Variants in TMPRSS6 observed in about 807,000 individuals in gnomAD.
TMPRSS6 encodes transmembrane protease serine 6.
A neutral mutation model predicts 101.5 loss-of-function variants in TMPRSS6; 67 were observed. The observed-to-expected ratio is 0.66, with a 90% CI of 0.54 to 0.81. The LOEUF (loss-of-function observed/expected upper bound fraction) is 0.81, where lower values mean the gene tolerates loss of function less well. Among genes scored for constraint, TMPRSS6 ranks in the 30% least tolerant of loss-of-function variants. The probability of loss-of-function intolerance (pLI) is 0.00; values close to 1 mark genes in which losing one functional copy is unlikely to be tolerated. For missense variants in TMPRSS6, 1,034 were observed against 1,088.7 expected, an observed-to-expected ratio of 0.95 and a Z score of 0.71; for synonymous variants, 453 against 464.9, an observed-to-expected ratio of 0.97 and a Z score of 0.33.
At chr22:37,072,477 GGATGGAT>G (rs1927119291) in intron 13 of TMPRSS6, among the ~76,000 whole-genome samples, 3 of 142,180 alleles carry the variant, frequency 2.1e-5, no homozygotes, top group South Asian at 4.5e-4. Context: ...ATGGATGGAT[GGATGGAT>G]GATGGATGAT....
chr22:37,096,739 C>T, intron 3 of TMPRSS6, 24 bp from the exon 4 acceptor site: 1 of 1,556,252 alleles, frequency 6.4e-7, no homozygotes, highest in Non-Finnish European at 8.7e-7. Context: ...AGACAACAGC[C>T]CCTGGGACCC....
chr22:37,101,127 C>T lies in TMPRSS6; in HGVS notation c.202+2089G>A, dbSNP rs1032670529. ...GAAATGGGGGAGGCACCCCAAGGGA[C>T]ACTGGGGGAGAGAGGGCATCCTTGC... On this transcript the variant is annotated intron_variant, in intron 2 of 17. Transcript: ENST00000676104. The surrounding 1 kb of genome is among the most constrained non-coding windows in gnomAD (Gnocchi z 4.1). Among the ~76,000 whole-genome samples, 4 of 151,910 alleles carry T rather than the reference C, an allele frequency of 2.6e-5. No homozygotes were observed. Among genetic ancestry groups the T allele is most frequent in the African/African-American group, 9.7e-5 (4 of 41,312 alleles).
chr22:37,085,110 A>G (rs538155488), intron 8 of TMPRSS6, among the ~76,000 whole-genome samples: 3 of 152,260 alleles, frequency 2.0e-5, no homozygotes, highest in Admixed American at 2.0e-4. Flanking sequence ...AGTTATTGAT[A>G]TTTGCGGGAC....
At chr22:37,095,787 C>T in intron 5 of TMPRSS6, 119 bp downstream of exon 5, 1 of 1,398,934 alleles carries the variant, frequency 7.1e-7, no homozygotes, top group East Asian at 2.4e-5. Context: ...GGGGGGCTCT[C>T]CTGGGGGGCC....
intron 10 of TMPRSS6, among the ~76,000 whole-genome samples, chr22:37,078,770 GAGA>G (rs66560480): frequency 0.1 from 2,914 of 28,452 alleles, 110 homozygotes; most frequent in African/African-American, 0.47. Flanking sequence ...AGAGAATGAG[GAGA>G]AGGAGGAGGA....
intron 8 of TMPRSS6, 124 bp downstream of exon 8, chr22:37,086,159 C>T: frequency 1.6e-5 from 22 of 1,368,208 alleles, no homozygotes; most frequent in Non-Finnish European, 2.2e-5. Context: ...CAGGAGCTTC[C>T]AGAATCTTCC....
chr22:37,073,675 G>A (rs1449808602), intron 12 of TMPRSS6, 30 bp from the exon 13 acceptor site: 1 of 1,541,784 alleles, frequency 6.5e-7, no homozygotes, highest in East Asian at 2.2e-5. Context: ...GGGGACAGGT[G>A]GGAGGAAGCC....
chr22:37,089,524 AT>A, intron 7 of TMPRSS6, 53 bp downstream of exon 7: 1 of 1,520,390 alleles, frequency 6.6e-7, no homozygotes, highest in South Asian at 1.2e-5. Flanking sequence ...CAACTCCCCC[AT>A]CAACCACTCC....
chr22:37,067,244 A>G (rs898695336), intron 16 of TMPRSS6, among the ~76,000 whole-genome samples: 7 of 151,988 alleles, frequency 4.6e-5, no homozygotes, highest in Non-Finnish European at 8.8e-5. Flanking sequence ...GCTGAGGCGG[A>G]CGGAACACCT....
chr22:37,073,152 A>ATGGG (rs1398694795), intron 13 of TMPRSS6, among the ~76,000 whole-genome samples: 1 of 120,710 alleles, frequency 8.3e-6, no homozygotes, highest in Non-Finnish European at 1.7e-5. Context: ...GGGTGGGTAG[A>ATGGG]TGGGTGGGTG....
chr22:37,074,095 G>T (rs1308269470), intron 12 of TMPRSS6, among the ~76,000 whole-genome samples: 1 of 152,186 alleles, frequency 6.6e-6, no homozygotes, highest in African/African-American at 2.4e-5. Flanking sequence ...AACCCTGTGA[G>T]ATACCCCATT....
chr22:37,083,802 T>G, intron 10 of TMPRSS6: 2 of 258,438 alleles, frequency 7.7e-6, no homozygotes, highest in Non-Finnish European at 1.5e-5. Context: ...ATTCGGGGGA[T>G]CCAGGGCACC....
chr22:37,084,274 A>T (rs759140540), intron 10 of TMPRSS6, 21 bp downstream of exon 10: 2 of 1,599,700 alleles, frequency 1.3e-6, no homozygotes, highest in South Asian at 1.1e-5. Context: ...AGGAAGCCAG[A>T]GGGAGGAGAG....
Position 37,084,825 on chromosome 22 carries a change from G to C in TMPRSS6, c.988C>G (p.Leu330Val), listed in dbSNP as rs1928579702. The C allele has an allele frequency of 1.9e-6, 3 of 1,554,892 alleles. No homozygotes were observed. Among genetic ancestry groups the C allele is most frequent in the Non-Finnish European group, 2.6e-6 (3 of 1,148,732 alleles). ...GAGTCGAGCCTGTTGTCCAGCGTCA[G>C]GTTCACTTCACAGGCTGGACCAGGA... The part of the protein sequence containing the change: ...PVVFQACEVN[L>V]TLDNRLDSQG... The change falls in exon 9 of 18, where the codon CTG (leucine) becomes GTG (valine). Residue 330 changes from leucine (L) to valine (V), a missense_variant. Coordinates refer to ENST00000676104, the MANE Select transcript of TMPRSS6 (RefSeq NM_001374504.1).
At chr22:37,090,601 A>G (rs1929175955) in intron 6 of TMPRSS6, among the ~76,000 whole-genome samples, 3 of 152,230 alleles carry the variant, frequency 2.0e-5, no homozygotes, top group Admixed American at 2.0e-4. Flanking sequence ...GTCTCGCTCA[A>G]TGCCCACAAC....
intron 1 of TMPRSS6, among the ~76,000 whole-genome samples, chr22:37,107,482 C>A (rs1212968570): frequency 6.7e-6 from 1 of 150,326 alleles, no homozygotes; most frequent in African/African-American, 2.5e-5. Flanking sequence ...AAAGCCAGCC[C>A]CTTCTTGGCC....
At chr22:37,096,800 A>G (rs1424634385) in intron 3 of TMPRSS6, 85 bp from the exon 4 acceptor site, 17 of 1,326,594 alleles carry the variant, frequency 1.3e-5, no homozygotes, top group Admixed American at 1.2e-4. Context: ...CTTTGCTCCT[A>G]CTGGCAGCCC....
intron 2 of TMPRSS6, among the ~76,000 whole-genome samples, chr22:37,102,906 C>A (rs1156843575): frequency 6.6e-6 from 1 of 152,118 alleles, no homozygotes; most frequent in Admixed American, 6.5e-5. Context: ...TGTTTATGCT[C>A]TGTGGGCTGG....
At chr22:37,071,686 G>A (rs1375026944) in intron 13 of TMPRSS6, among the ~76,000 whole-genome samples, 1 of 152,254 alleles carries the variant, frequency 6.6e-6, no homozygotes, top group African/African-American at 2.4e-5. Context: ...CTATCGCTGG[G>A]TAGCCTGCAA....
Sources: gnomAD v4.1 joint callset for allele counts (sites outside exome capture counted in the v4.1 genomes callset) on GRCh38, gnomAD v4.1.1 for gene constraint, Gnocchi (gnomAD v3.1) non-coding constraint, MANE v1.5 for transcripts, NCBI Gene and HGNC (gene_info 2026-07-23, HGNC 2026-07-21) for gene names.